PTPRD: variants seen among roughly 807,000 people sequenced by gnomAD.
The protein encoded by PTPRD is protein tyrosine phosphatase receptor type D.
A neutral mutation model predicts 214.5 loss-of-function variants in PTPRD; 34 were observed. The observed-to-expected ratio is 0.16, with a 90% CI of 0.12 to 0.21. The LOEUF is 0.21. Ranked by LOEUF, PTPRD falls within the 10% of genes least tolerant of loss-of-function variation. The probability of loss-of-function intolerance (pLI) is 1.00; values close to 1 mark genes in which losing one functional copy is unlikely to be tolerated. For missense variants in PTPRD, 2,545 were observed against 2,398.7 expected, an observed-to-expected ratio of 1.06 and a Z score of -1.27; for synonymous variants, 1,128 against 845.7, an observed-to-expected ratio of 1.33 and a Z score of -5.79.
intron 3 of PTPRD, among the ~76,000 whole-genome samples, chr9:10,088,630 T>G (rs1041345635): frequency 2.2e-4 from 34 of 151,744 alleles, no homozygotes; most frequent in African/African-American, 7.7e-4. Flanking sequence ...GTCTGCAATG[T>G]GGGGGCAGTA....
intron 3 of PTPRD, among the ~76,000 whole-genome samples, chr9:10,234,219 A>T (rs926500197): frequency 1.8e-4 from 27 of 151,794 alleles, no homozygotes; most frequent in African/African-American, 5.5e-4. Context: ...ATTAATTAAT[A>T]AATAATTAAT....
At position 8,404,547 on chromosome 9, in the gene PTPRD, T is replaced by G. The variant is rs550824027; in HGVS notation, c.4200A>C (p.Ser1400=). ...TCTGCATTTCCTTACCTTCTATAGCTGATAGGAGAACCCGGGAATGATCAT... is the reference window on the plus strand; with the variant it reads ...TCTGCATTTCCTTACCTTCTATAGCGGATAGGAGAACCCGGGAATGATCAT... ...IAYDHSRVLL[S]AIEGIPGSDY... Residue 1400 remains serine, a synonymous_variant, in exon 36 of 46, where the codon TCA becomes TCC. Coordinates refer to ENST00000381196, the MANE Select transcript of PTPRD (RefSeq NM_002839.4). The G allele has an allele frequency of 1.9e-6, 3 of 1,612,384 alleles. No individual in the cohort carries two copies. Among genetic ancestry groups the G allele is most frequent in the Admixed American group, 3.3e-5 (2 of 59,976 alleles).
At chr9:9,930,336 G>A (rs753769199) in intron 5 of PTPRD, among the ~76,000 whole-genome samples, 4 of 152,172 alleles carry the variant, frequency 2.6e-5, no homozygotes, top group Admixed American at 2.6e-4. Context: ...AATAAAAAGG[G>A]CAAGAATGGA....
intron 7 of PTPRD, among the ~76,000 whole-genome samples, chr9:9,728,466 G>A (rs748190110): frequency 1.3e-5 from 2 of 152,186 alleles, no homozygotes; most frequent in Non-Finnish European, 2.9e-5. Flanking sequence ...AGAAATGAAT[G>A]ATGCTAGTTG....
At chr9:8,419,795 G>A (rs140202175) in intron 35 of PTPRD, among the ~76,000 whole-genome samples, 155 of 152,076 alleles carry the variant, frequency 1.0e-3, no homozygotes, top group African/African-American at 3.6e-3. Context: ...AACAAATGCT[G>A]TTCCCTAATC....
At chr9:10,260,417 G>C (rs1450190238) in intron 3 of PTPRD, among the ~76,000 whole-genome samples, 1 of 151,878 alleles carries the variant, frequency 6.6e-6, no homozygotes, top group East Asian at 1.9e-4. Flanking sequence ...AGTTTTTTTT[G>C]TCAACAGATA....
chr9:8,964,565 T>G (rs950683972), intron 11 of PTPRD, among the ~76,000 whole-genome samples: 1 of 152,070 alleles, frequency 6.6e-6, no homozygotes, highest in Non-Finnish European at 1.5e-5. Context: ...TCAGTTTAGC[T>G]CAATTTTAGT....
intron 33 of PTPRD, chr9:8,454,597 C>A: frequency 1.2e-6 from 2 of 1,612,808 alleles, no homozygotes; most frequent in Non-Finnish European, 1.7e-6. Context: ...GTTTACTGCT[C>A]CATTTTAATG....
chr9:9,781,409 T>C (rs1422413028), intron 5 of PTPRD, among the ~76,000 whole-genome samples: 1 of 152,138 alleles, frequency 6.6e-6, no homozygotes, highest in Admixed American at 6.5e-5. Context: ...AATGCTCAAG[T>C]TAAATGCTAT....
intron 10 of PTPRD, among the ~76,000 whole-genome samples, chr9:9,020,038 A>T (rs1237389466): frequency 6.6e-6 from 1 of 152,152 alleles, no homozygotes; most frequent in Non-Finnish European, 1.5e-5. Context: ...TGCTCTGCAG[A>T]CATGGGAGGA....
intron 3 of PTPRD, among the ~76,000 whole-genome samples, chr9:10,113,660 C>T (rs1252460400): frequency 1.3e-5 from 2 of 152,134 alleles, no homozygotes; most frequent in African/African-American, 4.8e-5. Context: ...GCCTCCAGAA[C>T]ATTTTTATTA....
At chr9:10,154,644 G>C (rs116308989) in intron 3 of PTPRD, among the ~76,000 whole-genome samples, 1 of 151,832 alleles carries the variant, frequency 6.6e-6, no homozygotes, top group African/African-American at 2.4e-5. Context: ...TTTCTATATG[G>C]GGTCCAGTTT....
intron 7 of PTPRD, among the ~76,000 whole-genome samples, chr9:9,612,998 A>G (rs2154346465): frequency 6.6e-6 from 1 of 151,692 alleles, no homozygotes; most frequent in African/African-American, 2.4e-5. Flanking sequence ...ATATGAAGCC[A>G]CTGCTGATAT....
At chr9:10,224,837 T>TAA (rs2099583589) in intron 3 of PTPRD, among the ~76,000 whole-genome samples, 2 of 152,056 alleles carry the variant, frequency 1.3e-5, no homozygotes, top group African/African-American at 4.8e-5. Flanking sequence ...ACTTAACAGC[T>TAA]AGTAAATACA....
At chr9:9,855,810 C>T (rs1353507760) in intron 5 of PTPRD, among the ~76,000 whole-genome samples, 3 of 152,196 alleles carry the variant, frequency 2.0e-5, no homozygotes, top group Non-Finnish European at 2.9e-5. Context: ...ACTCCTGAAG[C>T]CCCAGAGGGC....
intron 5 of PTPRD, among the ~76,000 whole-genome samples, chr9:9,822,236 C>T (rs1336179990): frequency 6.6e-6 from 1 of 150,508 alleles, no homozygotes; most frequent in African/African-American, 2.4e-5. Flanking sequence ...CATGGTGAAA[C>T]CCCTTCTCTA....
chr9:9,006,697 C>T (rs1466254548), intron 11 of PTPRD, among the ~76,000 whole-genome samples: 12 of 151,666 alleles, frequency 7.9e-5, no homozygotes, highest in Non-Finnish European at 5.9e-5. Flanking sequence ...AATCAGTTTC[C>T]CTGATATTTT....
chr9:8,968,253 C>G (rs1351189978), intron 11 of PTPRD, among the ~76,000 whole-genome samples: 1 of 152,058 alleles, frequency 6.6e-6, no homozygotes, highest in East Asian at 1.9e-4. Flanking sequence ...GATTTATAAT[C>G]CTTTGGGTAT....
At chr9:9,074,222 A>G (rs915741290) in intron 10 of PTPRD, among the ~76,000 whole-genome samples, 5 of 152,138 alleles carry the variant, frequency 3.3e-5, no homozygotes, top group Non-Finnish European at 7.4e-5. Context: ...CCTGAGTTTT[A>G]TTGATCTTCA....
Sources: gnomAD v4.1 joint callset for allele counts (sites outside exome capture counted in the v4.1 genomes callset) on GRCh38, gnomAD v4.1.1 for gene constraint, MANE v1.5 for transcripts, NCBI Gene and HGNC (gene_info 2026-07-23, HGNC 2026-07-21) for gene names.